THSD7B: variants seen among roughly 807,000 people sequenced by gnomAD.
THSD7B encodes thrombospondin type-1 domain-containing protein 7B.
A neutral mutation model predicts 213.6 loss-of-function variants in THSD7B; 138 were observed. That is an observed-to-expected ratio of 0.65 (90% CI 0.56 to 0.74). The LOEUF (loss-of-function observed/expected upper bound fraction) is 0.74, where lower values mean the gene tolerates loss of function less well. Ranked by LOEUF, THSD7B falls within the 30% of genes least tolerant of loss-of-function variation. The pLI is 0.00. For missense variants in THSD7B, 1,931 were observed against 1,991.5 expected, an observed-to-expected ratio of 0.97 and a Z score of 0.58; for synonymous variants, 742 against 687.0, an observed-to-expected ratio of 1.08 and a Z score of -1.25.
chr2:136,958,756 G>GTA (rs1183505847), intron 2 of THSD7B, among the ~76,000 whole-genome samples: 2 of 152,194 alleles, frequency 1.3e-5, no homozygotes, highest in African/African-American at 4.8e-5. Context: ...GGTTTCAGTT[G>GTA]ATTAGATCAA....
Position 136,792,571 on chromosome 2 carries a change from C to A in THSD7B, c.-36+26884C>A, listed in dbSNP as rs1354178447. 2.0e-5 allele frequency among the ~76,000 whole-genome samples: 3 copies of A among 151,948 alleles called. No individual in the cohort carries two copies. The East Asian group carries it at 5.8e-4, about 29-fold the overall frequency. On this transcript the variant is annotated intron_variant, in intron 1 of 27. Coordinates refer to ENST00000409968, the MANE Select transcript of THSD7B (RefSeq NM_001316349.2). ...TTTATAGATTGTGACAAATGTACCACTGTGGGTGGAATGCTGGGGAGGCTG... is the reference window on the plus strand; with the variant it reads ...TTTATAGATTGTGACAAATGTACCAATGTGGGTGGAATGCTGGGGAGGCTG...
intron 1 of THSD7B, among the ~76,000 whole-genome samples, chr2:136,870,066 C>A (rs1486920384): frequency 1.3e-5 from 1 of 75,594 alleles, no homozygotes; most frequent in African/African-American, 5.5e-5. Context: ...AGCGAGACTC[C>A]GTCTCAAAAA....
intron 3 of THSD7B, among the ~76,000 whole-genome samples, chr2:137,070,268 A>G (rs1048725715): frequency 6.6e-6 from 1 of 151,790 alleles, no homozygotes; most frequent in African/African-American, 2.4e-5. Context: ...CATATTAGTT[A>G]TTCAAGGTCT....
chr2:137,101,197 C>G (rs113129326), intron 4 of THSD7B, among the ~76,000 whole-genome samples: 123 of 152,156 alleles, frequency 8.1e-4, no homozygotes, highest in African/African-American at 2.8e-3. Flanking sequence ...GCCACCATGC[C>G]TGGCTGATTA....
intron 15 of THSD7B, among the ~76,000 whole-genome samples, chr2:137,555,258 C>A (rs1680933883): frequency 6.6e-6 from 1 of 152,218 alleles, no homozygotes; most frequent in South Asian, 2.1e-4. Flanking sequence ...AAGTGGGTCC[C>A]TGACCCCCGA....
chr2:137,175,394 A>G (rs1680339773), intron 7 of THSD7B, among the ~76,000 whole-genome samples: 1 of 152,246 alleles, frequency 6.6e-6, no homozygotes. Context: ...CACAAAGAAC[A>G]AAGTTCACAT....
intron 2 of THSD7B, among the ~76,000 whole-genome samples, chr2:136,971,943 A>C (rs1685411928): frequency 6.6e-6 from 1 of 152,160 alleles, no homozygotes; most frequent in South Asian, 2.1e-4. Context: ...AGATAGCAAG[A>C]TAGTTGCAGA....
chr2:137,029,658 G>T (rs1686626489), intron 2 of THSD7B, among the ~76,000 whole-genome samples: 1 of 152,096 alleles, frequency 6.6e-6, no homozygotes, highest in South Asian at 2.1e-4. Flanking sequence ...TACCTCTCTA[G>T]ATCCAAGGGG....
intron 5 of THSD7B, chr2:137,156,105 AAAGTCCTGTTGAC>A (rs1442841490): frequency 2.0e-5 from 3 of 152,192 alleles, no homozygotes; most frequent in African/African-American, 7.2e-5. Flanking sequence ...TCTAGCTCCG[AAAGTCCTGTTGAC>A]TGTTGGAACA....
intron 1 of THSD7B, among the ~76,000 whole-genome samples, chr2:136,788,854 G>A (rs1186088738): frequency 6.6e-6 from 1 of 152,040 alleles, no homozygotes; most frequent in Non-Finnish European, 1.5e-5. Flanking sequence ...TCCTTATCTG[G>A]TTAAATGAAG....
rs1478250640 is a variant in THSD7B, at chr2:137,676,704, A to T, written c.*99A>T. 1.9e-6 allele frequency: 2 copies of T among 1,072,090 alleles called. No individual in the cohort carries two copies. The highest frequency in any genetic ancestry group is 1.3e-6 in the Non-Finnish European group (1 of 765,760). The allele number at this position is 1,072,090 out of a possible 1,614,324, so 66.4% of individuals were successfully genotyped here. A position where few individuals can be genotyped will look rare whatever the true frequency, so the allele number is the denominator to read the frequency against. ...GTTTTTTGAGGAATCTCAAGATGTG[A>T]TATATTGGGCAGAATACAAATATTG... On this transcript the variant is annotated 3_prime_UTR_variant, in exon 28 of 28. Coordinates refer to ENST00000409968, the MANE Select transcript of THSD7B (RefSeq NM_001316349.2).
intron 2 of THSD7B, among the ~76,000 whole-genome samples, chr2:136,953,669 C>T (rs192413809): frequency 1.3e-5 from 2 of 152,254 alleles, no homozygotes; most frequent in East Asian, 1.9e-4. Flanking sequence ...CATGCATTAA[C>T]GGAATCTTAT....
At chr2:137,122,104 A>G (rs1457484407) in intron 5 of THSD7B, among the ~76,000 whole-genome samples, 5 of 152,208 alleles carry the variant, frequency 3.3e-5, no homozygotes, top group Admixed American at 6.5e-5. Flanking sequence ...GGATTTGCCC[A>G]GTAGTTTTGG....
chr2:136,816,893 T>C (rs1177179436), intron 1 of THSD7B, among the ~76,000 whole-genome samples: 1 of 152,240 alleles, frequency 6.6e-6, no homozygotes, highest in Non-Finnish European at 1.5e-5. Context: ...GTATTGCTGG[T>C]GTGTTAAGAA....
At chr2:136,857,803 AAG>A (rs959583918) in intron 1 of THSD7B, among the ~76,000 whole-genome samples, 1 of 152,194 alleles carries the variant, frequency 6.6e-6, no homozygotes, top group African/African-American at 2.4e-5. Flanking sequence ...TTGAGGAACA[AAG>A]AGTGTTCATG....
At chr2:137,329,683 A>C (rs1047457700) in intron 12 of THSD7B, among the ~76,000 whole-genome samples, 3 of 152,178 alleles carry the variant, frequency 2.0e-5, no homozygotes, top group Non-Finnish European at 4.4e-5. Context: ...GAAATTTCTA[A>C]ACAGCAAAAG....
chr2:137,318,523 C>A (rs529162531), intron 12 of THSD7B, among the ~76,000 whole-genome samples: 1 of 152,188 alleles, frequency 6.6e-6, no homozygotes, highest in South Asian at 2.1e-4. Flanking sequence ...TACCCTCACT[C>A]CCCCGCCCCC....
chr2:137,615,637 T>C (rs1395624913), intron 17 of THSD7B, among the ~76,000 whole-genome samples: 1 of 152,344 alleles, frequency 6.6e-6, no homozygotes, highest in Non-Finnish European at 1.5e-5. Context: ...CCATGCTCTG[T>C]GGACCAAAGG....
intron 15 of THSD7B, among the ~76,000 whole-genome samples, chr2:137,547,598 C>A: frequency 6.6e-6 from 1 of 151,978 alleles, no homozygotes; most frequent in East Asian, 1.9e-4. Context: ...GCAGCAATTT[C>A]CTCCTTTCTC....
Sources: gnomAD v4.1 joint callset for allele counts (sites outside exome capture counted in the v4.1 genomes callset) on GRCh38, gnomAD v4.1.1 for gene constraint, MANE v1.5 for transcripts, NCBI Gene and HGNC (gene_info 2026-07-23, HGNC 2026-07-21) for gene names.